The following THADA variants were observed in gnomAD, a reference collection of about 807,000 sequenced individuals.
THADA encodes the protein THADA armadillo repeat containing.
THADA carries 213 observed loss-of-function variants against 219.8 expected under a neutral mutation model. The observed-to-expected ratio is 0.97, with a 90% CI of 0.87 to 1.09. The LOEUF is 1.09. THADA is among the 50% of genes least tolerant of loss of function. The probability of loss-of-function intolerance (pLI) is 0.00; values close to 1 mark genes in which losing one functional copy is unlikely to be tolerated. For missense variants in THADA, 2,956 were observed against 2,311.3 expected (o/e 1.28, Z -5.72); for synonymous variants, 1,018 against 828.9 (o/e 1.23, Z -3.92).
At chr2:43,265,951 ACACACACAC>A (rs1671467171) in intron 36 of THADA, among the ~76,000 whole-genome samples, 1 of 115,924 alleles carries the variant, frequency 8.6e-6, no homozygotes, top group East Asian at 2.4e-4. Context: ...ACACACACAC[ACACACACAC>A]ACACACACAC....
At chr2:43,578,835 G>A (rs1700120773) in intron 8 of THADA, among the ~76,000 whole-genome samples, 1 of 152,154 alleles carries the variant, frequency 6.6e-6, no homozygotes, top group South Asian at 2.1e-4. Context: ...GATGAATAAT[G>A]AACATAAACG....
At chr2:43,486,434 C>T (rs1686928541) in intron 25 of THADA, 1 of 152,172 alleles carries the variant, frequency 6.6e-6, no homozygotes, top group Admixed American at 6.5e-5. Flanking sequence ...TATATGTACT[C>T]ACCTTGCTAC....
At chr2:43,483,686 T>G (rs1326326524) in intron 26 of THADA, among the ~76,000 whole-genome samples, 1 of 151,910 alleles carries the variant, frequency 6.6e-6, no homozygotes, top group Non-Finnish European at 1.5e-5. Context: ...TGCCCTATTC[T>G]TCCTCCCTCA....
chr2:43,515,366 A>ATAAACT (rs1558893226), intron 22 of THADA, among the ~76,000 whole-genome samples: 1 of 53,478 alleles, frequency 1.9e-5, no homozygotes, highest in Non-Finnish European at 3.6e-5. Context: ...TATAATATAT[A>ATAAACT]ATATATAATA....
intron 28 of THADA, among the ~76,000 whole-genome samples, chr2:43,418,747 T>G (rs1677320746): frequency 6.6e-6 from 1 of 151,390 alleles, no homozygotes; most frequent in African/African-American, 2.4e-5. Flanking sequence ...GGTATACCAA[T>G]GTTTGAGAGG....
At chr2:43,543,367 T>C (rs1022904691) in intron 20 of THADA, among the ~76,000 whole-genome samples, 1 of 150,296 alleles carries the variant, frequency 6.7e-6, no homozygotes, top group Non-Finnish European at 1.5e-5. Flanking sequence ...CAGCATGATT[T>C]ATAGTCCTTT....
intron 19 of THADA, among the ~76,000 whole-genome samples, chr2:43,550,500 G>T (rs1231768663): frequency 6.6e-6 from 1 of 152,078 alleles, no homozygotes; most frequent in Non-Finnish European, 1.5e-5. Flanking sequence ...CAGCTTTCAG[G>T]GGAGACTTTC....
intron 17 of THADA, chr2:43,556,087 A>G (rs1179508141): frequency 3.7e-6 from 3 of 803,996 alleles, no homozygotes; most frequent in Non-Finnish European, 4.8e-6. Context: ...GTGGAGAAAG[A>G]GGTCATTCTC....
intron 26 of THADA, among the ~76,000 whole-genome samples, chr2:43,432,104 C>T (rs1215830375): frequency 7.2e-6 from 1 of 138,664 alleles, no homozygotes; most frequent in Non-Finnish European, 1.5e-5. Context: ...GATCCGCCCG[C>T]CTCGGCCTCC....
chr2:43,590,596 G>A (rs1418932488), intron 4 of THADA, among the ~76,000 whole-genome samples: 4 of 138,570 alleles, frequency 2.9e-5, no homozygotes, highest in African/African-American at 1.1e-4. Flanking sequence ...AGTGAGCCAA[G>A]ATCGCACCAC....
intron 24 of THADA, among the ~76,000 whole-genome samples, chr2:43,502,601 A>G (rs1689144282): frequency 6.6e-6 from 1 of 150,574 alleles, no homozygotes; most frequent in Non-Finnish European, 1.5e-5. Flanking sequence ...AAAAAAAAAA[A>G]AGAAAGAAAG....
At chr2:43,232,652 C>A in intron 37 of THADA, 61 bp downstream of exon 37, 1 of 1,550,344 alleles carries the variant, frequency 6.5e-7, no homozygotes, top group Non-Finnish European at 8.8e-7. Context: ...GTAGGTGCTG[C>A]ATCTAGCGGG....
intron 29 of THADA, among the ~76,000 whole-genome samples, chr2:43,359,657 G>T (rs1669272196): frequency 6.6e-6 from 1 of 152,230 alleles, no homozygotes. Flanking sequence ...TCCAGCCTAG[G>T]TGATGGAGCA....
intron 28 of THADA, among the ~76,000 whole-genome samples, chr2:43,418,525 A>C (rs1677294919): frequency 6.6e-6 from 1 of 152,162 alleles, no homozygotes; most frequent in South Asian, 2.1e-4. Flanking sequence ...CTAGGCCCTA[A>C]AAGAAGGCTG....
intron 26 of THADA, among the ~76,000 whole-genome samples, chr2:43,431,315 A>T (rs1679240205): frequency 1.3e-5 from 2 of 152,114 alleles, no homozygotes; most frequent in Non-Finnish European, 2.9e-5. Flanking sequence ...CACCCCTATC[A>T]AGACTCAGAA....
intron 22 of THADA, among the ~76,000 whole-genome samples, chr2:43,513,414 C>T (rs1316507743): frequency 6.6e-6 from 1 of 152,122 alleles, no homozygotes; most frequent in Non-Finnish European, 1.5e-5. Flanking sequence ...TGTGCTGATA[C>T]CAGAGACCCA....
At chr2:43,347,670 T>C (rs1182277048) in intron 29 of THADA, among the ~76,000 whole-genome samples, 1 of 152,010 alleles carries the variant, frequency 6.6e-6, no homozygotes, top group African/African-American at 2.4e-5. Flanking sequence ...AGAAAAATAT[T>C]TGGGAACTTT....
intron 15 of THADA, among the ~76,000 whole-genome samples, chr2:43,561,159 C>T (rs1698028097): frequency 6.6e-6 from 1 of 151,950 alleles, no homozygotes; most frequent in South Asian, 2.1e-4. Context: ...CAGGGAAAAG[C>T]TCAATTCATC....
At chr2:43,562,569 T>C (rs889915806) in intron 15 of THADA, 3 of 152,116 alleles carry the variant, frequency 2.0e-5, no homozygotes, top group Admixed American at 1.3e-4. Context: ...GTGTCTTTGG[T>C]TTTGGTATCG....
Sources: gnomAD v4.1 joint callset for allele counts (sites outside exome capture counted in the v4.1 genomes callset) on GRCh38, gnomAD v4.1.1 for gene constraint, MANE v1.5 for transcripts, NCBI Gene and HGNC (gene_info 2026-07-23, HGNC 2026-07-21) for gene names.